Variants in APCDD1 observed in about 807,000 individuals in gnomAD.
The protein encoded by APCDD1 is APC down-regulated 1, also known as protein APCDD1.
In APCDD1, 15 loss-of-function variants were observed where a neutral mutation model predicts 38.1. That is an observed-to-expected ratio of 0.39 (90% CI 0.26 to 0.61). The LOEUF (loss-of-function observed/expected upper bound fraction) is 0.61. Among genes scored for constraint, APCDD1 ranks in the 20% least tolerant of loss-of-function variants. The pLI is 0.49. For synonymous variants in APCDD1, 261 were observed against 279.7 expected (o/e 0.93, Z 0.67); for missense variants, 647 against 696.2 (o/e 0.93, Z 0.79).
At chr18:10,478,117 G>A (rs1044746522) in intron 3 of APCDD1, among the ~76,000 whole-genome samples, 1 of 152,188 alleles carries the variant, frequency 6.6e-6, no homozygotes, top group Admixed American at 6.5e-5. Flanking sequence ...GAAGTGTTTG[G>A]TTGAGTTTTG....
rs2030875203 is a variant in APCDD1, at chr18:10,472,089, T to G, written c.774+28T>G. ...ACCTCAGAGCTCTGTGTTCTCCTCT[T>G]TATTGAGTAAAGTGGGTGATCCTTC... On this transcript the variant is annotated intron_variant, in intron 3 of 4. Coordinates refer to ENST00000355285, the MANE Select transcript of APCDD1 (RefSeq NM_153000.5). This position sits in a 1 kb window ranked among gnomAD's most constrained non-coding sequence, Gnocchi z 6.6. 5.6e-6 allele frequency: 9 copies of G among 1,612,220 alleles called. No individual in the cohort carries two copies. Among genetic ancestry groups the G allele is most frequent in the Non-Finnish European group, 6.8e-6 (8 of 1,179,952 alleles).
chr18:10,482,928 C>A (rs2143558918), intron 3 of APCDD1, among the ~76,000 whole-genome samples: 1 of 152,356 alleles, frequency 6.6e-6, no homozygotes, highest in Admixed American at 6.5e-5. Flanking sequence ...TTTGTATTTT[C>A]TTCACCTTAA....
intron 1 of APCDD1, among the ~76,000 whole-genome samples, chr18:10,464,808 G>T (rs907417887): frequency 1.3e-5 from 2 of 152,156 alleles, no homozygotes; most frequent in African/African-American, 2.4e-5. Flanking sequence ...CTACATTGAG[G>T]GTCATCATTT....
intron 1 of APCDD1, among the ~76,000 whole-genome samples, chr18:10,466,402 G>A (rs768096100): frequency 6.6e-6 from 1 of 152,214 alleles, no homozygotes; most frequent in Non-Finnish European, 1.5e-5. Context: ...ACACAGTGTA[G>A]ATGGGTGCCC....
chr18:10,469,919 G>A lies in APCDD1; in HGVS notation c.242+1267G>A, dbSNP rs75351513. Reference sequence around the variant, plus strand: ...TCACATGAGGCTGCTGGGGAGGGTAGGCCAGCTCTAAGGCATCTTGCAGAC... The same window carrying A: ...TCACATGAGGCTGCTGGGGAGGGTAAGCCAGCTCTAAGGCATCTTGCAGAC... On this transcript the variant is annotated intron_variant, in intron 2 of 4. Coordinates refer to ENST00000355285, the MANE Select transcript of APCDD1 (RefSeq NM_153000.5). This position sits in a 1 kb window ranked among gnomAD's most constrained non-coding sequence, Gnocchi z 5.5. 0.01 allele frequency among the ~76,000 whole-genome samples: 1,528 copies of A among 152,320 alleles called. 30 individuals are homozygous for A. The highest frequency in any genetic ancestry group is 0.035 in the African/African-American group (1,464 of 41,576).
Position 10,485,616 on chromosome 18 carries a change from C to T in APCDD1, c.929C>T (p.Thr310Ile), listed in dbSNP as rs2031233040. ...CEVRPEVLFL[T>I]RHFIFHDNNN... is the part of the protein sequence containing the mutation. The stretch of plus-strand genomic sequence containing the variant: ...GTGCGCCCCGAAGTCCTCTTCCTCA[C>T]CCGCCACTTCATCTTCCATGACAAC... The change falls in exon 4 of 5, where the codon ACC becomes ATC. Residue 310 changes from threonine (T) to isoleucine (I), a missense_variant. Physicochemically the swap from Thr to Ile is moderately conservative, Grantham distance 89. Transcript: ENST00000355285. This position sits in a 1 kb window ranked among gnomAD's most constrained non-coding sequence, Gnocchi z 5.8. 6.2e-7 allele frequency: 1 copy of T among 1,614,168 alleles called. No homozygotes were observed. Among genetic ancestry groups the T allele is most frequent in the Non-Finnish European group, 8.5e-7 (1 of 1,180,038 alleles).
intron 1 of APCDD1, 136 bp from the exon 2 acceptor site, chr18:10,468,333 C>T: frequency 1.1e-6 from 1 of 927,964 alleles, no homozygotes; most frequent in Non-Finnish European, 1.8e-6. Flanking sequence ...CGAGAGCACG[C>T]ACTGTGATGA....
At chr18:10,483,450 G>A (rs1399987221) in intron 3 of APCDD1, among the ~76,000 whole-genome samples, 1 of 152,248 alleles carries the variant, frequency 6.6e-6, no homozygotes, top group African/African-American at 2.4e-5. Context: ...TGTTAGCAAA[G>A]GAAACATTAT....
At chr18:10,455,361 G>T (rs936171067) in intron 1 of APCDD1, among the ~76,000 whole-genome samples, 2 of 152,212 alleles carry the variant, frequency 1.3e-5, no homozygotes, top group Non-Finnish European at 2.9e-5. Flanking sequence ...GGAAACTTTC[G>T]TCCGCTCTGC....
rs1037607347 is a variant in APCDD1 at position 10,472,480 on chromosome 18, C to T, written c.774+419C>T. 1.3e-5 allele frequency among the ~76,000 whole-genome samples: 2 copies of T among 152,018 alleles called. No individual in the cohort carries two copies. The highest frequency in any genetic ancestry group is 2.4e-5 in the African/African-American group (1 of 41,380). ...GCAGCTACCCAGGCCCTGGAGGAGGCGGGGAGGGACAGAAAGGGGAGGTGA... is the reference window on the plus strand; with the variant it reads ...GCAGCTACCCAGGCCCTGGAGGAGGTGGGGAGGGACAGAAAGGGGAGGTGA... On this transcript the variant is annotated intron_variant, in intron 3 of 4. Transcript: ENST00000355285. The surrounding 1 kb of genome is among the most constrained non-coding windows in gnomAD (Gnocchi z 6.6).
At chr18:10,486,269 G>A (rs1459419126) in intron 4 of APCDD1, among the ~76,000 whole-genome samples, 1 of 152,116 alleles carries the variant, frequency 6.6e-6, no homozygotes, top group African/African-American at 2.4e-5. Flanking sequence ...TAGGAGGATC[G>A]CTTGAGCCCA....
intron 1 of APCDD1, among the ~76,000 whole-genome samples, chr18:10,465,740 G>A (rs1265904334): frequency 6.6e-6 from 1 of 152,190 alleles, no homozygotes; most frequent in African/African-American, 2.4e-5. Flanking sequence ...TGCCATCGGA[G>A]GCTGCTGCAA....
rs972399591 is a variant in APCDD1 at position 10,471,234 on chromosome 18, G to C, written c.243-296G>C. On this transcript the variant is annotated intron_variant, in intron 2 of 4. Coordinates refer to ENST00000355285, the MANE Select transcript of APCDD1 (RefSeq NM_153000.5). This position sits in a 1 kb window ranked among gnomAD's most constrained non-coding sequence, Gnocchi z 5.5. ...CTGAGGCAGAGTGATTAGGAGCACAGCATCAGAGCCAGGCTGCCTGGATTC... is the reference window on the plus strand; with the variant it reads ...CTGAGGCAGAGTGATTAGGAGCACACCATCAGAGCCAGGCTGCCTGGATTC... Among the ~76,000 whole-genome samples the C allele has an allele frequency of 6.6e-6, 1 of 152,236 alleles. No individual in the cohort carries two copies. The highest frequency in any genetic ancestry group is 1.5e-5 in the Non-Finnish European group (1 of 68,044).
chr18:10,489,202 C>A lies in APCDD1; in HGVS notation c.*1164C>A. On this transcript the variant is annotated 3_prime_UTR_variant, in exon 5 of 5. Coordinates refer to ENST00000355285, the MANE Select transcript of APCDD1 (RefSeq NM_153000.5). ...GGCTCTGTGCTGGCAGTTTCAGGGT[C>A]AGTGTGCTGCTTTCCTAGGGACATT... The A allele has an allele frequency of 6.6e-6, 1 of 152,582 alleles. No individual in the cohort carries two copies. The highest frequency in any genetic ancestry group is 1.5e-5 in the Non-Finnish European group (1 of 68,292). 9.5% of individuals were successfully genotyped at this position (152,582 alleles called of 1,614,324 possible).
In APCDD1 at chr18:10,488,174, C is replaced by G; in HGVS notation, c.*136C>G. The G allele has an allele frequency of 9.3e-7, 1 of 1,079,052 alleles. No homozygotes were observed. Among genetic ancestry groups the G allele is most frequent in the Non-Finnish European group, 1.3e-6 (1 of 744,720 alleles). 66.8% of individuals were successfully genotyped at this position (1,079,052 alleles called of 1,614,324 possible). The stretch of plus-strand genomic sequence containing the variant: ...TGTCCTTCTTTTTCTCCTCTCCCTC[C>G]CTCCCAGCCCCTGAGTCATGAACAG... On this transcript the variant is annotated 3_prime_UTR_variant, in exon 5 of 5. Coordinates refer to ENST00000355285, the MANE Select transcript of APCDD1 (RefSeq NM_153000.5).
At chr18:10,455,107 G>C in intron 1 of APCDD1, 68 bp downstream of exon 1, 4 of 1,540,556 alleles carry the variant, frequency 2.6e-6, no homozygotes, top group Non-Finnish European at 3.5e-6. Context: ...CGGAGCCCGC[G>C]GAGGCGTCGG....
Position 10,487,997 on chromosome 18 carries a change from G to T in APCDD1, c.1504G>T (p.Ala502Ser). Residue 502 changes from alanine to serine, a missense_variant, in exon 5 of 5, where the codon GCC becomes TCC. Coordinates refer to ENST00000355285, the MANE Select transcript of APCDD1 (RefSeq NM_153000.5). ...HTWSLLLAAL[A>S]CLVPLLHWNI... ...CTGGTCCCTGCTGCTGGCTGCACTT[G>T]CCTGCCTTGTCCCTCTGCTGCATTG... 6.2e-7 allele frequency: 1 copy of T among 1,613,890 alleles called. No individual in the cohort carries two copies. The highest frequency in any genetic ancestry group is 8.5e-7 in the Non-Finnish European group (1 of 1,180,042).
Position 10,481,682 on chromosome 18 carries a change from TA to T in APCDD1, c.775-3768del, listed in dbSNP as rs34860980. Reference sequence around the variant, plus strand: ...TTAGGTATTTTTTTAAACACAGTAATAAAAAAAAAAAAGCATCTAGTTTAGG... The same window carrying T: ...TTAGGTATTTTTTTAAACACAGTAATAAAAAAAAAAAGCATCTAGTTTAGG... On this transcript the variant is annotated intron_variant, in intron 3 of 4. Coordinates refer to ENST00000355285, the MANE Select transcript of APCDD1 (RefSeq NM_153000.5). Among the ~76,000 whole-genome samples the T allele has an allele frequency of 5.3e-3, 754 of 142,962 alleles. 6 individuals are homozygous for T. The highest frequency in any genetic ancestry group is 0.017 in the East Asian group (83 of 4,960). The allele number at this position is 142,962 out of a possible 152,430, so 93.8% of individuals were successfully genotyped here.
rs553327677 is a variant in APCDD1 at position 10,470,761 on chromosome 18, G to A, written c.243-769G>A. 3.3e-5 allele frequency among the ~76,000 whole-genome samples: 5 copies of A among 152,344 alleles called. No homozygotes were observed. The highest frequency in any genetic ancestry group is 6.5e-5 in the Admixed American group (1 of 15,302). On this transcript the variant is annotated intron_variant, in intron 2 of 4. Coordinates refer to ENST00000355285, the MANE Select transcript of APCDD1 (RefSeq NM_153000.5). The surrounding 1 kb of genome is among the most constrained non-coding windows in gnomAD (Gnocchi z 4.1). ...GTATATGTGAATGGCTGACAGAGCC[G>A]TTTGTGAAATCCCTCAATTCCATCC...
Sources: allele counts gnomAD v4.1 joint callset (sites outside exome capture counted in the v4.1 genomes callset), GRCh38; gene constraint gnomAD v4.1.1; non-coding constraint Gnocchi (gnomAD v3.1); transcripts MANE v1.5; gene names NCBI Gene and HGNC (gene_info 2026-07-23, HGNC 2026-07-21).